PEAK1: variants seen among roughly 807,000 people sequenced by gnomAD.
PEAK1 encodes inactive tyrosine-protein kinase PEAK1.
Under a neutral mutation model 124.7 loss-of-function variants are expected in PEAK1, and 54 were observed. The ratio of observed to expected loss-of-function variants is 0.43; its 90% CI spans 0.35 to 0.54. The LOEUF (loss-of-function observed/expected upper bound fraction) is 0.54. Ranked by LOEUF, PEAK1 falls within the 20% of genes least tolerant of loss-of-function variation. The pLI is 0.01. For synonymous variants in PEAK1, 719 were observed against 760.0 expected (o/e 0.95, Z 0.89); for missense variants, 2,046 against 2,134.5 (o/e 0.96, Z 0.82).
intron 1 of PEAK1, among the ~76,000 whole-genome samples, chr15:77,408,096 CACAT>C (rs1201993518): frequency 1.3e-5 from 2 of 150,578 alleles, no homozygotes; most frequent in African/African-American, 2.4e-5. Context: ...TATATACACA[CACAT>C]ATATACATAT....
At chr15:77,256,321 T>C (rs564989993) in intron 5 of PEAK1, among the ~76,000 whole-genome samples, 2 of 152,210 alleles carry the variant, frequency 1.3e-5, no homozygotes, top group South Asian at 4.1e-4. Flanking sequence ...CCTTTGACAC[T>C]ATATAATCTT....
At chr15:77,108,097 A>C (rs982612315), downstream of PEAK1, 1 of 152,276 alleles carries the variant, frequency 6.6e-6, no homozygotes, top group Non-Finnish European at 1.5e-5. Context: ...CCATGTCTGC[A>C]ACCAAACCCT....
At position 77,178,837 on chromosome 15, in the gene PEAK1, C is replaced by T. The variant is rs770314999; in HGVS notation, c.3090G>A (p.Lys1030=). Residue 1030 remains lysine, a synonymous_variant, in exon 7 of 10, where the codon AAG becomes AAA. Coordinates refer to ENST00000682557, the MANE Select transcript of PEAK1 (RefSeq NM_001385026.1). ...GTGATGGAGAAGAATGACTCCTCTT[C>T]TTCTCTGAGTCCTGTAGTAATGCAT... ...AENALLQDSE[K]KRSHSSPSQI... 82 of 1,614,046 alleles carry T rather than the reference C, an allele frequency of 5.1e-5. No homozygotes were observed. The highest frequency in any genetic ancestry group is 6.8e-5 in the Non-Finnish European group (80 of 1,179,978).
chr15:77,265,898 C>G (rs868170959), intron 5 of PEAK1, among the ~76,000 whole-genome samples: 1 of 152,136 alleles, frequency 6.6e-6, no homozygotes, highest in African/African-American at 2.4e-5. Context: ...AAATGTGGCA[C>G]GTATACACCA....
At chr15:77,140,989 C>CA (rs1372144251) in intron 8 of PEAK1, among the ~76,000 whole-genome samples, 1 of 152,144 alleles carries the variant, frequency 6.6e-6, no homozygotes, top group Non-Finnish European at 1.5e-5. Flanking sequence ...AGGTGTGAGC[C>CA]ACTGCACCTC....
chr15:77,171,110 T>A (rs1198870456), intron 7 of PEAK1, among the ~76,000 whole-genome samples: 1 of 152,118 alleles, frequency 6.6e-6, no homozygotes, highest in East Asian at 1.9e-4. Flanking sequence ...ATTAAAAAAA[T>A]CATGCTACTT....
chr15:77,112,282 C>T lies in PEAK1; in HGVS notation c.*1874G>A, dbSNP rs2051020136. 1 of 152,204 alleles carries T rather than the reference C, an allele frequency of 6.6e-6. No individual in the cohort carries two copies. The highest frequency in any genetic ancestry group is 1.5e-5 in the Non-Finnish European group (1 of 68,036). The allele number at this position is 152,204 out of a possible 1,614,324, so 9.4% of individuals were successfully genotyped here. ...GAGCACAATAAAATACATTATTTTC[C>T]TTTCCTGATCCTCTTTGTTATACAT... On this transcript the variant is annotated 3_prime_UTR_variant, in exon 10 of 10. Coordinates refer to ENST00000682557, the MANE Select transcript of PEAK1 (RefSeq NM_001385026.1).
intron 7 of PEAK1, among the ~76,000 whole-genome samples, chr15:77,171,908 T>A (rs2056539296): frequency 6.6e-6 from 1 of 152,198 alleles, no homozygotes; most frequent in African/African-American, 2.4e-5. Context: ...ATATCTGGCT[T>A]AATAGAGGAC....
chr15:77,120,972 G>A (rs2051860811), intron 9 of PEAK1, among the ~76,000 whole-genome samples: 1 of 152,134 alleles, frequency 6.6e-6, no homozygotes, highest in Admixed American at 6.5e-5. Context: ...GAGAGGAAGT[G>A]CTAAATACCC....
intron 2 of PEAK1, among the ~76,000 whole-genome samples, chr15:77,299,224 T>C (rs1352318827): frequency 6.6e-6 from 1 of 152,196 alleles, no homozygotes; most frequent in Non-Finnish European, 1.5e-5. Context: ...ATTTCATTGA[T>C]CAGATGTATT....
intron 8 of PEAK1, among the ~76,000 whole-genome samples, chr15:77,145,668 C>T (rs2054127477): frequency 6.6e-6 from 1 of 152,108 alleles, no homozygotes; most frequent in Non-Finnish European, 1.5e-5. Flanking sequence ...TTTAAAAAAT[C>T]CTGATTGTGC....
chr15:77,303,849 T>A (rs2063919751), intron 2 of PEAK1, among the ~76,000 whole-genome samples: 1 of 152,226 alleles, frequency 6.6e-6, no homozygotes, highest in African/African-American at 2.4e-5. Context: ...ATAAGTTTTA[T>A]GTTGTATATT....
At chr15:77,301,034 G>C (rs751612275) in intron 2 of PEAK1, among the ~76,000 whole-genome samples, 2 of 152,080 alleles carry the variant, frequency 1.3e-5, no homozygotes, top group Non-Finnish European at 2.9e-5. Flanking sequence ...GTATTTTTTA[G>C]TAGAGATGGG....
intron 6 of PEAK1, among the ~76,000 whole-genome samples, chr15:77,244,562 T>G (rs765003169): frequency 1.3e-5 from 2 of 152,008 alleles, no homozygotes; most frequent in Non-Finnish European, 2.9e-5. Context: ...TGTTATTACT[T>G]ATATATGATT....
chr15:77,175,040 G>T (rs113194150), intron 7 of PEAK1, among the ~76,000 whole-genome samples: 3,144 of 151,498 alleles, frequency 0.021, 45 homozygotes, highest in Middle Eastern at 0.038. Flanking sequence ...GGGAAAACTG[G>T]CTAGCCATAT....
At chr15:77,298,844 A>C (rs2063645205) in intron 2 of PEAK1, among the ~76,000 whole-genome samples, 1 of 152,122 alleles carries the variant, frequency 6.6e-6, no homozygotes, top group Non-Finnish European at 1.5e-5. Flanking sequence ...CCGTTTCCTT[A>C]GCGTTACCAG....
At chr15:77,272,279 A>G (rs531947306) in intron 5 of PEAK1, among the ~76,000 whole-genome samples, 36 of 152,254 alleles carry the variant, frequency 2.4e-4, no homozygotes, top group African/African-American at 8.4e-4. Context: ...TACTAAATGA[A>G]ATTCAAACAA....
chr15:77,104,486 G>C (rs1392008368), downstream of PEAK1: 1 of 152,400 alleles, frequency 6.6e-6, no homozygotes, highest in Admixed American at 6.5e-5. Context: ...GGCTGAATGG[G>C]GCCCTGAAGA....
At chr15:77,315,758 C>T (rs1261108231) in intron 2 of PEAK1, among the ~76,000 whole-genome samples, 1 of 151,666 alleles carries the variant, frequency 6.6e-6, no homozygotes, top group Non-Finnish European at 1.5e-5. Flanking sequence ...TCTACAATAT[C>T]CCTCACCAGT....
Sources: gnomAD v4.1 joint callset for allele counts (sites outside exome capture counted in the v4.1 genomes callset) on GRCh38, gnomAD v4.1.1 for gene constraint, MANE v1.5 for transcripts, NCBI Gene and HGNC (gene_info 2026-07-23, HGNC 2026-07-21) for gene names.